PRKN: variants seen among roughly 807,000 people sequenced by gnomAD.
PRKN encodes E3 ubiquitin-protein ligase parkin.
In PRKN, 56 loss-of-function variants were observed where a neutral mutation model predicts 59.5. The ratio of observed to expected loss-of-function variants is 0.94; its 90% CI spans 0.76 to 1.18. The LOEUF (loss-of-function observed/expected upper bound fraction) is 1.18, where lower values mean the gene tolerates loss of function less well. Among genes scored for constraint, PRKN ranks in the 50% most tolerant of loss-of-function variants. The pLI, the probability that PRKN is intolerant of heterozygous loss-of-function variation, is 0.00. For missense variants in PRKN, 657 were observed against 596.4 expected, an observed-to-expected ratio of 1.10 and a Z score of -1.06; for synonymous variants, 250 against 222.1, an observed-to-expected ratio of 1.13 and a Z score of -1.12.
intron 5 of PRKN, among the ~76,000 whole-genome samples, chr6:161,998,898 C>G (rs1299688037): frequency 6.6e-6 from 1 of 151,980 alleles, no homozygotes; most frequent in Non-Finnish European, 1.5e-5. Context: ...AGTTTGTTTC[C>G]AAAGATGAGT....
chr6:161,601,585 A>AT (rs200244232), intron 7 of PRKN, among the ~76,000 whole-genome samples: 14,846 of 140,768 alleles, frequency 0.11, 1,004 homozygotes, highest in Middle Eastern at 0.17. Flanking sequence ...AATATAGTGG[A>AT]TTTTTTTTTT....
chr6:161,604,577 C>T (rs749252271), intron 7 of PRKN, among the ~76,000 whole-genome samples: 6 of 152,176 alleles, frequency 3.9e-5, no homozygotes, highest in African/African-American at 7.2e-5. Context: ...CTTCAGGCCA[C>T]GGATTTGATC....
rs1266819413 is a variant in PRKN, at chr6:161,451,261, T to C, written c.1084-64384A>G. Among the ~76,000 whole-genome samples the C allele has an allele frequency of 6.6e-6, 1 of 152,196 alleles. No individual in the cohort carries two copies. The highest frequency in any genetic ancestry group is 1.5e-5 in the Non-Finnish European group (1 of 68,042). Reference sequence around the variant, plus strand: ...TCTCTTTTATCCTACCGTCATCTCATTTCCAGATAAAACACCTCCAGTTTC... The same window carrying C: ...TCTCTTTTATCCTACCGTCATCTCACTTCCAGATAAAACACCTCCAGTTTC... On this transcript the variant is annotated intron_variant, in intron 9 of 11. Coordinates refer to ENST00000366898, the MANE Select transcript of PRKN (RefSeq NM_004562.3). This position sits in a 1 kb window ranked among gnomAD's most constrained non-coding sequence, Gnocchi z 5.9.
chr6:162,628,682 C>T (rs957504212), intron 1 of PRKN, among the ~76,000 whole-genome samples: 2 of 152,034 alleles, frequency 1.3e-5, no homozygotes, highest in Admixed American at 6.6e-5. Flanking sequence ...ATTCAGAGTG[C>T]ATGGTAATTA....
chr6:161,711,210 G>A (rs920520806), intron 7 of PRKN, among the ~76,000 whole-genome samples: 1 of 152,124 alleles, frequency 6.6e-6, no homozygotes, highest in Admixed American at 6.6e-5. Context: ...GACATTACAG[G>A]TCTGGTTCCT....
chr6:162,556,342 G>GTTGTGTGT (rs1554243354), intron 1 of PRKN, among the ~76,000 whole-genome samples: 4 of 57,300 alleles, frequency 7.0e-5, no homozygotes, highest in African/African-American at 2.9e-4. Context: ...CTACTCAGCT[G>GTTGTGTGT]GTGTGTGTGT....
At chr6:161,896,709 T>G (rs1389969499) in intron 6 of PRKN, among the ~76,000 whole-genome samples, 1 of 152,206 alleles carries the variant, frequency 6.6e-6, no homozygotes, top group Non-Finnish European at 1.5e-5. Flanking sequence ...CAAGATGGTG[T>G]TGTCACTGTT....
intron 1 of PRKN, among the ~76,000 whole-genome samples, chr6:162,533,760 C>A (rs1484471550): frequency 6.6e-6 from 1 of 151,962 alleles, no homozygotes; most frequent in Non-Finnish European, 1.5e-5. Flanking sequence ...CACCTGAGGT[C>A]AGGAGTTCGA....
At chr6:162,272,170 A>T (rs1008056437) in intron 2 of PRKN, among the ~76,000 whole-genome samples, 1 of 152,178 alleles carries the variant, frequency 6.6e-6, no homozygotes, top group Non-Finnish European at 1.5e-5. Flanking sequence ...CAACTGCAGT[A>T]AGTGATTTAG....
chr6:162,575,018 A>G (rs890754373), intron 1 of PRKN, among the ~76,000 whole-genome samples: 1 of 151,848 alleles, frequency 6.6e-6, no homozygotes, highest in East Asian at 1.9e-4. Context: ...TTTTATTTCT[A>G]TTTGTTATTT....
intron 5 of PRKN, among the ~76,000 whole-genome samples, chr6:161,981,921 A>C (rs993939007): frequency 7.1e-4 from 108 of 152,212 alleles, no homozygotes; most frequent in African/African-American, 2.4e-3. Flanking sequence ...TGATGTGCAA[A>C]GTTTATCAGG....
At chr6:161,785,276 A>G (rs1385332390) in intron 7 of PRKN, among the ~76,000 whole-genome samples, 3 of 152,254 alleles carry the variant, frequency 2.0e-5, no homozygotes, top group Non-Finnish European at 4.4e-5. Context: ...TATATATGTA[A>G]TAACAGTATA....
intron 1 of PRKN, among the ~76,000 whole-genome samples, chr6:162,682,024 AAAT>A (rs1223287225): frequency 6.6e-6 from 1 of 152,176 alleles, no homozygotes; most frequent in Non-Finnish European, 1.5e-5. Flanking sequence ...GTATTTTAGA[AAAT>A]AATGTGACTA....
rs71004048 is a variant in PRKN, at chr6:161,497,573, T to TCACA, written c.1083+51280_1083+51281insTGTG. On this transcript the variant is annotated intron_variant, in intron 9 of 11. Coordinates refer to ENST00000366898, the MANE Select transcript of PRKN (RefSeq NM_004562.3). This position sits in a 1 kb window ranked among gnomAD's most constrained non-coding sequence, Gnocchi z 4.6. ...TTACATGTCTCTCTCTCTCTCTCTC[T>TCACA]CTCTCACACACACACACACACACAC... is the stretch of plus-strand genomic sequence containing the variant. Among the ~76,000 whole-genome samples, 87 of 124,228 alleles carry TCACA rather than the reference T, an allele frequency of 7.0e-4. No homozygotes were observed. The highest frequency in any genetic ancestry group is 0.01 in the Middle Eastern group (2 of 200). The allele number at this position is 124,228 out of a possible 152,430, so 81.5% of individuals were successfully genotyped here.
At position 161,549,942 on chromosome 6, in the gene PRKN, T is replaced by C. The variant is rs1779940007; in HGVS notation, c.934-939A>G. On this transcript the variant is annotated intron_variant, in intron 8 of 11. Transcript: ENST00000366898. This position sits in a 1 kb window ranked among gnomAD's most constrained non-coding sequence, Gnocchi z 6.0. ...GAATGTCTAGGATTTCCAATGGTGCTAAGTGAGGAAGAAAATAATCAACAG... is the reference window on the plus strand; with the variant it reads ...GAATGTCTAGGATTTCCAATGGTGCCAAGTGAGGAAGAAAATAATCAACAG... Among the ~76,000 whole-genome samples the C allele has an allele frequency of 6.6e-6, 1 of 152,002 alleles. No homozygotes were observed. The highest frequency in any genetic ancestry group is 1.5e-5 in the Non-Finnish European group (1 of 68,004).
At chr6:162,201,377 C>A in intron 3 of PRKN, 125 bp from the exon 4 acceptor site, 2 of 831,212 alleles carry the variant, frequency 2.4e-6, no homozygotes, top group South Asian at 2.8e-5. Flanking sequence ...TGAAACATTA[C>A]TGGAATAAAT....
chr6:162,179,747 G>T (rs901159433), intron 4 of PRKN, among the ~76,000 whole-genome samples: 1 of 152,122 alleles, frequency 6.6e-6, no homozygotes, highest in Non-Finnish European at 1.5e-5. Context: ...GTTCCCTAGA[G>T]TTGCCACTGG....
intron 2 of PRKN, among the ~76,000 whole-genome samples, chr6:162,404,593 C>T (rs929405897): frequency 3.3e-5 from 5 of 152,012 alleles, no homozygotes; most frequent in Non-Finnish European, 7.4e-5. Context: ...ACTCTTGTTG[C>T]CCAGGCTAGA....
chr6:162,414,075 C>T (rs552985857), intron 2 of PRKN, among the ~76,000 whole-genome samples: 11 of 152,076 alleles, frequency 7.2e-5, no homozygotes, highest in South Asian at 4.1e-4. Flanking sequence ...GCCAGCTACT[C>T]GGGAGGCTGA....
Sources: allele counts gnomAD v4.1 joint callset (sites outside exome capture counted in the v4.1 genomes callset), GRCh38; gene constraint gnomAD v4.1.1; non-coding constraint Gnocchi (gnomAD v3.1); transcripts MANE v1.5; gene names NCBI Gene and HGNC (gene_info 2026-07-23, HGNC 2026-07-21).